SUCLG2: variants seen among roughly 807,000 people sequenced by gnomAD.
The protein encoded by SUCLG2 is succinate-CoA ligase GDP-forming subunit beta.
Under a neutral mutation model 47.9 loss-of-function variants are expected in SUCLG2, and 42 were observed. The observed-to-expected ratio is 0.88, with a 90% CI of 0.69 to 1.14. The LOEUF is 1.14. Among genes scored for constraint, SUCLG2 ranks in the 50% most tolerant of loss-of-function variants. The pLI, the probability that SUCLG2 is intolerant of heterozygous loss-of-function variation, is 0.00. For missense variants in SUCLG2, 571 were observed against 525.9 expected, an observed-to-expected ratio of 1.09 and a Z score of -0.84; for synonymous variants, 195 against 197.3, an observed-to-expected ratio of 0.99 and a Z score of 0.10.
At chr3:67,540,235 T>C (rs1040930777) in intron 2 of SUCLG2, among the ~76,000 whole-genome samples, 4 of 152,056 alleles carry the variant, frequency 2.6e-5, no homozygotes, top group Admixed American at 2.0e-4. Context: ...GCCTTAGCTG[T>C]GTCCCAGAAA....
intron 10 of SUCLG2, among the ~76,000 whole-genome samples, chr3:67,398,434 T>C (rs1702602660): frequency 6.6e-6 from 1 of 151,742 alleles, no homozygotes; most frequent in South Asian, 2.1e-4. Context: ...TCATCATCAC[T>C]GGCCATCAGA....
chr3:67,503,745 C>T (rs1370658954), intron 7 of SUCLG2, among the ~76,000 whole-genome samples: 7 of 152,210 alleles, frequency 4.6e-5, no homozygotes, highest in Non-Finnish European at 7.3e-5. Flanking sequence ...CACATTGTTA[C>T]ATGCTTGATA....
At chr3:67,530,092 T>C (rs1575758110) in intron 2 of SUCLG2, among the ~76,000 whole-genome samples, 1 of 152,232 alleles carries the variant, frequency 6.6e-6, no homozygotes, top group East Asian at 1.9e-4. Flanking sequence ...GTCATCTTTA[T>C]TTAAAATCAC....
chr3:67,642,045 C>T (rs1701110601), intron 1 of SUCLG2, among the ~76,000 whole-genome samples: 1 of 152,192 alleles, frequency 6.6e-6, no homozygotes, highest in African/African-American at 2.4e-5. Flanking sequence ...CTCATTTTAA[C>T]TTGATTTCCT....
chr3:67,393,510 G>A (rs12107369), intron 10 of SUCLG2, among the ~76,000 whole-genome samples: 4 of 152,224 alleles, frequency 2.6e-5, no homozygotes, highest in African/African-American at 9.6e-5. Flanking sequence ...CGTAAACAAA[G>A]CAGCCAGGAA....
chr3:67,507,454 TA>T (rs1236774391), intron 7 of SUCLG2, among the ~76,000 whole-genome samples: 3 of 151,992 alleles, frequency 2.0e-5, no homozygotes, highest in Non-Finnish European at 4.4e-5. Flanking sequence ...TGCATACTCA[TA>T]TATGATTTCA....
At chr3:67,560,570 G>C (rs1000639058) in intron 2 of SUCLG2, among the ~76,000 whole-genome samples, 4 of 152,156 alleles carry the variant, frequency 2.6e-5, no homozygotes, top group African/African-American at 9.7e-5. Flanking sequence ...CAGCATTGTG[G>C]TGGGGGTTCA....
At chr3:67,505,001 T>C (rs145547754) in intron 7 of SUCLG2, among the ~76,000 whole-genome samples, 224 of 152,340 alleles carry the variant, frequency 1.5e-3, no homozygotes, top group African/African-American at 5.1e-3. Flanking sequence ...TTCAATAAGG[T>C]TGCATCTTTC....
At chr3:67,373,615 A>G (rs896736030), downstream of SUCLG2, among the ~76,000 whole-genome samples, 5 of 152,180 alleles carry the variant, frequency 3.3e-5, no homozygotes, top group Non-Finnish European at 5.9e-5. Context: ...CAGATTCAGG[A>G]ATAGGTTACT....
intron 10 of SUCLG2, among the ~76,000 whole-genome samples, chr3:67,395,563 A>T (rs146715065): frequency 1.3e-5 from 2 of 152,186 alleles, no homozygotes; most frequent in Non-Finnish European, 2.9e-5. Context: ...CTCCCACACA[A>T]TAATAATGGG....
chr3:67,604,837 T>A (rs1700369329), intron 2 of SUCLG2, among the ~76,000 whole-genome samples: 1 of 152,216 alleles, frequency 6.6e-6, no homozygotes, highest in South Asian at 2.1e-4. Flanking sequence ...AATGTCACAT[T>A]TATTTTCAAA....
At chr3:67,394,139 T>C (rs568262461) in intron 10 of SUCLG2, among the ~76,000 whole-genome samples, 10,385 of 152,010 alleles carry the variant, frequency 0.068, 360 homozygotes, top group Middle Eastern at 0.13. Context: ...AGGAATGCAG[T>C]TCCTCACCAG....
At chr3:67,604,539 T>C (rs1708486664) in intron 2 of SUCLG2, among the ~76,000 whole-genome samples, 1 of 152,222 alleles carries the variant, frequency 6.6e-6, no homozygotes, top group Non-Finnish European at 1.5e-5. Context: ...GCCTGTTTCC[T>C]TGCTTGTAAA....
At chr3:67,534,835 T>C (rs1011979501) in intron 2 of SUCLG2, among the ~76,000 whole-genome samples, 2 of 132,618 alleles carry the variant, frequency 1.5e-5, no homozygotes, top group South Asian at 2.3e-4. Flanking sequence ...CTGTAACTAA[T>C]TAAAGAATTT....
At chr3:67,418,390 C>CA (rs1053972309) in intron 9 of SUCLG2, among the ~76,000 whole-genome samples, 18 of 152,222 alleles carry the variant, frequency 1.2e-4, no homozygotes, top group African/African-American at 4.3e-4. Context: ...AACTGAGGCT[C>CA]AGAAAGCTGA....
At chr3:67,644,251 T>C (rs964874454) in intron 1 of SUCLG2, among the ~76,000 whole-genome samples, 3 of 151,860 alleles carry the variant, frequency 2.0e-5, no homozygotes, top group African/African-American at 2.4e-5. Context: ...GACAAATTAA[T>C]GGATTAAAAA....
intron 9 of SUCLG2, among the ~76,000 whole-genome samples, chr3:67,447,776 A>G (rs1371637263): frequency 9.2e-5 from 14 of 152,182 alleles, no homozygotes; most frequent in Admixed American, 9.2e-4. Flanking sequence ...GTAGCCCAGG[A>G]TGGAGTGCAG....
At chr3:67,438,753 T>C (rs2106905270) in intron 9 of SUCLG2, among the ~76,000 whole-genome samples, 1 of 152,122 alleles carries the variant, frequency 6.6e-6, no homozygotes, top group South Asian at 2.1e-4. Context: ...TAATAGCCTA[T>C]CAACCAAAAA....
At chr3:67,510,359 T>C (rs1705753824) in intron 6 of SUCLG2, among the ~76,000 whole-genome samples, 1 of 152,214 alleles carries the variant, frequency 6.6e-6, no homozygotes, top group African/African-American at 2.4e-5. Context: ...CGAACCCACA[T>C]AATGAGTATG....
Sources: gnomAD v4.1 joint callset for allele counts (sites outside exome capture counted in the v4.1 genomes callset) on GRCh38, gnomAD v4.1.1 for gene constraint, MANE v1.5 for transcripts, NCBI Gene and HGNC (gene_info 2026-07-23, HGNC 2026-07-21) for gene names.